The following CHRM3 variants were observed in gnomAD, a reference collection of about 807,000 sequenced individuals.
CHRM3 encodes the protein muscarinic acetylcholine receptor M3.
Under a neutral mutation model 41.8 loss-of-function variants are expected in CHRM3, and 11 were observed. The observed-to-expected ratio is 0.26, with a 90% CI of 0.17 to 0.44. The LOEUF (loss-of-function observed/expected upper bound fraction) is 0.44. Among genes scored for constraint, CHRM3 ranks in the 20% least tolerant of loss-of-function variants. The pLI is 1.00. For missense variants in CHRM3, 571 were observed against 745.4 expected, an observed-to-expected ratio of 0.77 and a Z score of 2.72; for synonymous variants, 297 against 301.4, an observed-to-expected ratio of 0.99 and a Z score of 0.15.
chr1:239,475,979 A>G (rs1376779442), intron 1 of CHRM3, among the ~76,000 whole-genome samples: 2 of 152,202 alleles, frequency 1.3e-5, no homozygotes, highest in Non-Finnish European at 2.9e-5. Flanking sequence ...TCTTCCTTTA[A>G]AAATGACCTT....
chr1:239,530,037 G>A (rs562085398), intron 2 of CHRM3, among the ~76,000 whole-genome samples: 4 of 151,956 alleles, frequency 2.6e-5, no homozygotes, highest in Non-Finnish European at 5.9e-5. Flanking sequence ...AGCTGGGACT[G>A]CAGGTGCCCG....
chr1:239,555,854 A>G (rs1660301107), intron 3 of CHRM3, among the ~76,000 whole-genome samples: 1 of 152,190 alleles, frequency 6.6e-6, no homozygotes. Context: ...AAAAACCCTC[A>G]TGTGCTAAGC....
chr1:239,891,384 G>A (rs979532000), intron 6 of CHRM3, among the ~76,000 whole-genome samples: 1 of 151,888 alleles, frequency 6.6e-6, no homozygotes, highest in Non-Finnish European at 1.5e-5. Context: ...CATTTGCATT[G>A]CTTTCACATG....
At chr1:239,710,852 A>G (rs1661706713) in intron 5 of CHRM3, among the ~76,000 whole-genome samples, 1 of 152,010 alleles carries the variant, frequency 6.6e-6, no homozygotes, top group African/African-American at 2.4e-5. Flanking sequence ...ACCACACCGC[A>G]AACAACCTGC....
intron 5 of CHRM3, among the ~76,000 whole-genome samples, chr1:239,789,124 C>T (rs572267074): frequency 6.6e-6 from 1 of 152,210 alleles, no homozygotes; most frequent in South Asian, 2.1e-4. Context: ...AAGGTGTCTT[C>T]GTTGCACCCA....
chr1:239,446,232 G>C (rs978486141), intron 1 of CHRM3, among the ~76,000 whole-genome samples: 2 of 152,140 alleles, frequency 1.3e-5, no homozygotes, highest in African/African-American at 2.4e-5. Context: ...ACCATGCCTG[G>C]CCAGTGTGCA....
intron 6 of CHRM3, among the ~76,000 whole-genome samples, chr1:239,864,928 A>G (rs764242359): frequency 6.6e-6 from 1 of 152,202 alleles, no homozygotes; most frequent in Non-Finnish European, 1.5e-5. Flanking sequence ...GTGAAAATTT[A>G]TATGTCTTCT....
At chr1:239,747,989 A>G (rs1665513757) in intron 5 of CHRM3, among the ~76,000 whole-genome samples, 1 of 152,182 alleles carries the variant, frequency 6.6e-6, no homozygotes, top group South Asian at 2.1e-4. Flanking sequence ...GTGAGCCGAA[A>G]TCGTGCCACG....
intron 4 of CHRM3, among the ~76,000 whole-genome samples, chr1:239,642,934 T>A (rs1236684576): frequency 1.3e-5 from 2 of 152,218 alleles, no homozygotes; most frequent in African/African-American, 4.8e-5. Context: ...GATGTACAGA[T>A]GGGTTTTTGG....
At chr1:239,753,192 T>C (rs988227682) in intron 5 of CHRM3, among the ~76,000 whole-genome samples, 2 of 152,198 alleles carry the variant, frequency 1.3e-5, no homozygotes, top group African/African-American at 2.4e-5. Flanking sequence ...GTCAAACGTA[T>C]AGATAGGTCA....
At chr1:239,642,699 C>T (rs1671307929) in intron 4 of CHRM3, among the ~76,000 whole-genome samples, 1 of 152,098 alleles carries the variant, frequency 6.6e-6, no homozygotes, top group African/African-American at 2.4e-5. Context: ...AACTTCTTTG[C>T]CTTTGGTTTG....
At chr1:239,793,803 A>ATTTTTTTTTTTTTTTTTTTTTTTTTTTT (rs67460907) in intron 5 of CHRM3, among the ~76,000 whole-genome samples, 6 of 69,494 alleles carry the variant, frequency 8.6e-5, no homozygotes, top group African/African-American at 3.7e-4. Flanking sequence ...TGAAATGTGT[A>ATTTTTTTTTTTTTTTTTTTTTTTTTTTT]TTTTTTTTTT....
intron 5 of CHRM3, among the ~76,000 whole-genome samples, chr1:239,786,560 C>T (rs1023368138): frequency 1.3e-5 from 2 of 152,178 alleles, no homozygotes; most frequent in Non-Finnish European, 2.9e-5. Flanking sequence ...TTCTAAACGG[C>T]TTCTGTACTA....
chr1:239,618,843 GAAA>G (rs1174760989), intron 3 of CHRM3, among the ~76,000 whole-genome samples: 2 of 76,776 alleles, frequency 2.6e-5, no homozygotes, highest in Non-Finnish European at 2.5e-5. Context: ...GACTCTGTCA[GAAA>G]AAAAAAAAAA....
intron 5 of CHRM3, among the ~76,000 whole-genome samples, chr1:239,693,263 A>T (rs1289605864): frequency 2.6e-5 from 4 of 152,124 alleles, no homozygotes; most frequent in Non-Finnish European, 4.4e-5. Flanking sequence ...GAAACTCCCC[A>T]AATTTCTGCA....
intron 5 of CHRM3, among the ~76,000 whole-genome samples, chr1:239,822,194 C>A (rs756737894): frequency 5.3e-5 from 8 of 152,194 alleles, no homozygotes; most frequent in Non-Finnish European, 1.0e-4. Flanking sequence ...TAAATTATAT[C>A]TTTCGAAAGT....
chr1:239,843,485 G>A (rs602117), intron 6 of CHRM3, among the ~76,000 whole-genome samples: 63,880 of 126,826 alleles, frequency 0.5, 15,379 homozygotes, highest in South Asian at 0.59. Context: ...TTCCTCTTAG[G>A]ACTTATCATT....
chr1:239,662,971 C>T (rs1673412532), intron 4 of CHRM3, among the ~76,000 whole-genome samples: 1 of 97,870 alleles, frequency 1.0e-5, no homozygotes, highest in Admixed American at 1.3e-4. Context: ...CTTCCTTCTC[C>T]TCTCTTCCTT....
At chr1:239,820,122 C>T (rs758822475) in intron 5 of CHRM3, among the ~76,000 whole-genome samples, 24 of 152,154 alleles carry the variant, frequency 1.6e-4, no homozygotes, top group Non-Finnish European at 3.2e-4. Context: ...TCAGAAGGTT[C>T]GCTGAAAAAT....
Sources: allele counts gnomAD v4.1 joint callset (sites outside exome capture counted in the v4.1 genomes callset), GRCh38; gene constraint gnomAD v4.1.1; transcripts MANE v1.5; gene names NCBI Gene and HGNC (gene_info 2026-07-23, HGNC 2026-07-21).